Variants in MEGF10 observed in about 807,000 individuals in gnomAD.
The protein encoded by MEGF10 is multiple EGF like domains 10.
Under a neutral mutation model 147.5 loss-of-function variants are expected in MEGF10, and 86 were observed. The observed-to-expected ratio is 0.58, with a 90% CI of 0.49 to 0.70. The LOEUF is 0.70. MEGF10 is among the 30% of genes least tolerant of loss of function. The probability of loss-of-function intolerance (pLI) is 0.00; values close to 1 mark genes in which losing one functional copy is unlikely to be tolerated. For synonymous variants in MEGF10, 478 were observed against 525.5 expected (o/e 0.91, Z 1.24); for missense variants, 1,329 against 1,487.3 (o/e 0.89, Z 1.75).
At chr5:127,307,160 G>C (rs995766017) in intron 1 of MEGF10, among the ~76,000 whole-genome samples, 12 of 152,238 alleles carry the variant, frequency 7.9e-5, no homozygotes, top group Admixed American at 7.8e-4. Flanking sequence ...AAAAAATACT[G>C]GCTCTGGAGC....
chr5:127,325,600 T>C (rs998442590), intron 1 of MEGF10, among the ~76,000 whole-genome samples: 15 of 152,194 alleles, frequency 9.9e-5, no homozygotes, highest in African/African-American at 3.4e-4. Context: ...TGCATCATGC[T>C]GATTGAATAG....
chr5:127,331,002 G>C (rs1260742147), intron 1 of MEGF10, among the ~76,000 whole-genome samples: 1 of 152,192 alleles, frequency 6.6e-6, no homozygotes, highest in Non-Finnish European at 1.5e-5. Context: ...TGTTCTGGTA[G>C]ATTTCTTTAA....
At chr5:127,351,030 G>A (rs918614886) in intron 4 of MEGF10, among the ~76,000 whole-genome samples, 1 of 152,006 alleles carries the variant, frequency 6.6e-6, no homozygotes, top group African/African-American at 2.4e-5. Flanking sequence ...GGAAAATGGG[G>A]ATGGTTAATG....
intron 20 of MEGF10, among the ~76,000 whole-genome samples, chr5:127,446,126 C>T (rs992196442): frequency 5.3e-5 from 8 of 152,126 alleles, no homozygotes; most frequent in African/African-American, 1.4e-4. Flanking sequence ...CTACCCGAAT[C>T]GTTAACTGAA....
the MEGF10 span, among the ~76,000 whole-genome samples, chr5:127,277,940 A>C: frequency 6.6e-6 from 1 of 152,198 alleles, no homozygotes; most frequent in Non-Finnish European, 1.5e-5. Context: ...TGAACATATT[A>C]ATTTTGAGAT....
intron 4 of MEGF10, among the ~76,000 whole-genome samples, chr5:127,343,582 A>G (rs971399873): frequency 1.6e-4 from 25 of 152,148 alleles, no homozygotes; most frequent in African/African-American, 5.8e-4. Flanking sequence ...TCCCACTTTC[A>G]GAGATCAGAA....
At chr5:127,279,893 T>C in the MEGF10 span, among the ~76,000 whole-genome samples, 2,511 of 152,324 alleles carry the variant, frequency 0.016, 58 homozygotes, top group East Asian at 0.086. Flanking sequence ...ATCTGCTTTT[T>C]CCCTCCTGAC....
Position 127,422,669 on chromosome 5 carries a change from G to A in MEGF10, c.1591-1G>A. On this transcript the variant is annotated splice_acceptor_variant, in intron 12 of 24. Coordinates refer to ENST00000503335, the MANE Select transcript of MEGF10 (RefSeq NM_001256545.2). LOFTEE classifies it high-confidence loss of function. Reference sequence around the variant, plus strand: ...TGCCTTTGATGCTGTTTTCCATGCAGGATGGCACGTACGGGCTGAACTGTG... The same window carrying A: ...TGCCTTTGATGCTGTTTTCCATGCAAGATGGCACGTACGGGCTGAACTGTG... 6.2e-7 allele frequency: 1 copy of A among 1,613,690 alleles called. No homozygotes were observed.
chr5:127,332,777 A>G (rs1431872699), intron 2 of MEGF10, among the ~76,000 whole-genome samples: 1 of 152,204 alleles, frequency 6.6e-6, no homozygotes, highest in Non-Finnish European at 1.5e-5. Flanking sequence ...TCAATAAAAT[A>G]TATAATAAAT....
At chr5:127,423,226 A>G (rs1328512497) in intron 13 of MEGF10, among the ~76,000 whole-genome samples, 1 of 152,268 alleles carries the variant, frequency 6.6e-6, no homozygotes, top group Non-Finnish European at 1.5e-5. Context: ...TGCTGGAAGT[A>G]AAAGTTTTAA....
At chr5:127,368,680 A>C (rs1399671946) in intron 4 of MEGF10, among the ~76,000 whole-genome samples, 3 of 152,028 alleles carry the variant, frequency 2.0e-5, no homozygotes, top group Non-Finnish European at 4.4e-5. Context: ...TTCATCTCTA[A>C]ATCTTATGAT....
chr5:127,383,833 C>T (rs962446466), intron 5 of MEGF10, among the ~76,000 whole-genome samples: 7 of 152,118 alleles, frequency 4.6e-5, no homozygotes, highest in African/African-American at 2.4e-5. Context: ...TATTCGTAGT[C>T]TCTCATAGTC....
At chr5:127,441,075 G>A (rs1172655622) in intron 18 of MEGF10, among the ~76,000 whole-genome samples, 4 of 152,184 alleles carry the variant, frequency 2.6e-5, no homozygotes, top group Non-Finnish European at 4.4e-5. Context: ...GGGCGGAGGA[G>A]GTGTGACTAC....
chr5:127,356,198 G>T (rs1762275939), intron 4 of MEGF10, among the ~76,000 whole-genome samples: 1 of 152,242 alleles, frequency 6.6e-6, no homozygotes, highest in Non-Finnish European at 1.5e-5. Context: ...CATGTTTTTA[G>T]TCTGGTATAG....
Position 127,316,981 on chromosome 5 carries a change from ATGGG to A in MEGF10, c.-18-14309_-18-14306del, listed in dbSNP as rs541073922. 3.0e-4 allele frequency among the ~76,000 whole-genome samples: 46 copies of A among 152,346 alleles called. No homozygotes were observed. The Middle Eastern group carries it at 0.01, about 34-fold the overall frequency. The stretch of plus-strand genomic sequence containing the variant: ...TAAGGGCATTCCAAGAAGGAACAGC[ATGGG>A]CGAAGACAGAGGAGTGAAAACCTCT... On this transcript the variant is annotated intron_variant, in intron 1 of 24. Transcript: ENST00000503335.
chr5:127,378,766 T>C (rs1001139520), intron 5 of MEGF10, among the ~76,000 whole-genome samples: 8 of 152,208 alleles, frequency 5.3e-5, no homozygotes, highest in African/African-American at 1.9e-4. Context: ...TACACCCTGC[T>C]TTAAATGGAG....
chr5:127,299,608 T>C (rs1204649618), intron 1 of MEGF10, among the ~76,000 whole-genome samples: 1 of 152,228 alleles, frequency 6.6e-6, no homozygotes, highest in Non-Finnish European at 1.5e-5. Flanking sequence ...CACAGGATTG[T>C]TCTTTTAGCC....
upstream of MEGF10, among the ~76,000 whole-genome samples, chr5:127,286,719 G>C (rs1389953922): frequency 1.3e-5 from 2 of 151,584 alleles, no homozygotes; most frequent in African/African-American, 4.8e-5. Flanking sequence ...GAAGGAAATA[G>C]TAAAGGTAAG....
chr5:127,371,936 A>G (rs754347692), intron 5 of MEGF10, among the ~76,000 whole-genome samples: 5 of 152,196 alleles, frequency 3.3e-5, no homozygotes, highest in Non-Finnish European at 7.4e-5. Context: ...CATCTTTGAT[A>G]CCTTTTTAAG....
Sources: gnomAD v4.1 joint callset for allele counts (sites outside exome capture counted in the v4.1 genomes callset) on GRCh38, gnomAD v4.1.1 for gene constraint, MANE v1.5 for transcripts, NCBI Gene and HGNC (gene_info 2026-07-23, HGNC 2026-07-21) for gene names.